Variants in WDR3 observed in about 807,000 individuals in gnomAD.
The protein encoded by WDR3 is WD repeat-containing protein 3.
In WDR3, 81 loss-of-function variants were observed where a neutral mutation model predicts 123.7. The observed-to-expected ratio is 0.65, with a 90% confidence interval of 0.55 to 0.79. WDR3 has a LOEUF of 0.79. WDR3 is among the 30% of genes least tolerant of loss of function. WDR3 has a pLI of 0.00. For synonymous variants in WDR3, 390 were observed against 388.8 expected, an observed-to-expected ratio of 1.00 and a Z score of -0.04; for missense variants, 1,027 against 1,123.2, an observed-to-expected ratio of 0.91 and a Z score of 1.22.
chr1:117,931,956 C>A (rs1437555469), intron 1 of WDR3, among the ~76,000 whole-genome samples: 1 of 151,896 alleles, frequency 6.6e-6, no homozygotes, highest in African/African-American at 2.4e-5. Context: ...TTAGAAAGAC[C>A]CTGTAGAGTT....
chr1:117,963,751 C>T lies in WDR3; in HGVS notation c.*4304C>T, dbSNP rs372408443. The T allele has an allele frequency of 3.2e-6, 5 of 1,563,200 alleles. No homozygotes were observed. In the African/African-American group the frequency reaches 5.5e-5, roughly 17 times the overall value. Reference sequence around the variant, plus strand: ...GGAAGAAACCTGGGGTCTAATACCTCAAATTTGAATGCTTGACAATCAAAT... The same window carrying T: ...GGAAGAAACCTGGGGTCTAATACCTTAAATTTGAATGCTTGACAATCAAAT... On this transcript the variant is annotated 3_prime_UTR_variant, in exon 27 of 27. Transcript: ENST00000349139.
chr1:117,951,437 A>T (rs1383269165), intron 16 of WDR3, among the ~76,000 whole-genome samples: 1 of 150,802 alleles, frequency 6.6e-6, no homozygotes, highest in Admixed American at 6.6e-5. Flanking sequence ...ATTCTGTGTG[A>T]AAGGAGTTGA....
intron 4 of WDR3, 145 bp downstream of exon 4, chr1:117,937,032 C>T: frequency 1.6e-6 from 1 of 615,312 alleles, no homozygotes; most frequent in Non-Finnish European, 2.9e-6. Flanking sequence ...CTTTCCATTT[C>T]TTCTAAGTAG....
chr1:117,950,972 T>A, intron 16 of WDR3, 82 bp downstream of exon 16: 3 of 1,127,464 alleles, frequency 2.7e-6, no homozygotes, highest in Non-Finnish European at 3.8e-6. Context: ...GATGTCTTCA[T>A]CTTAGATTAT....
intron 15 of WDR3, 114 bp downstream of exon 15, chr1:117,950,244 A>G: frequency 8.1e-7 from 1 of 1,238,116 alleles, no homozygotes; most frequent in Non-Finnish European, 1.1e-6. Flanking sequence ...TACATTTCTA[A>G]AAATGTGTGT....
intron 5 of WDR3, 113 bp downstream of exon 5, chr1:117,938,671 A>T: frequency 1.2e-6 from 1 of 865,384 alleles, no homozygotes; most frequent in Non-Finnish European, 1.7e-6. Flanking sequence ...AGTAATTATC[A>T]TATGCCATCT....
intron 11 of WDR3, among the ~76,000 whole-genome samples, chr1:117,944,760 G>T (rs1651309895): frequency 6.6e-6 from 1 of 152,148 alleles, no homozygotes; most frequent in South Asian, 2.1e-4. Flanking sequence ...GGAGTGCATT[G>T]ATGTGATCTC....
Position 117,964,002 on chromosome 1 carries a change from A to G in WDR3, c.*4555A>G, listed in dbSNP as rs2101409229. The stretch of plus-strand genomic sequence containing the variant: ...ATTATTTGCATATATAAACCTAAAT[A>G]ACATTTTAGAATCATAGAATTTCTT... On this transcript the variant is annotated 3_prime_UTR_variant, in exon 27 of 27. Coordinates refer to ENST00000349139, the MANE Select transcript of WDR3 (RefSeq NM_006784.3). The G allele has an allele frequency of 4.0e-6, 6 of 1,517,628 alleles. No individual in the cohort carries two copies. The South Asian group carries it at 7.5e-5, about 19-fold the overall frequency. The allele number at this position is 1,517,628 out of a possible 1,614,324, so 94.0% of individuals were successfully genotyped here.
intron 15 of WDR3, 152 bp downstream of exon 15, chr1:117,950,282 G>A (rs1651564411): frequency 2.0e-6 from 2 of 995,342 alleles, no homozygotes; most frequent in Non-Finnish European, 2.9e-6. Flanking sequence ...AACTATGCTA[G>A]GGAAGCTAGC....
chr1:117,953,785 T>C, intron 21 of WDR3: 1 of 602,090 alleles, frequency 1.7e-6, no homozygotes. Context: ...TGTCTAGATA[T>C]CATCCCACCT....
chr1:117,964,148 G>A lies in WDR3; in HGVS notation c.*4701G>A. ...TAGAATGTCTTCTGTTCTCCCTAGT[G>A]TACATTTCTCTCCTAACTGTGACTG... On this transcript the variant is annotated 3_prime_UTR_variant, in exon 27 of 27. Transcript: ENST00000349139. The A allele has an allele frequency of 2.3e-6, 1 of 432,960 alleles. No individual in the cohort carries two copies. The highest frequency in any genetic ancestry group is 4.2e-6 in the Non-Finnish European group (1 of 239,426). The allele number at this position is 432,960 out of a possible 1,614,324, so 26.8% of individuals were successfully genotyped here. A position where few individuals can be genotyped will look rare whatever the true frequency, so the allele number is the denominator to read the frequency against.
chr1:117,958,285 T>A (rs574582674), intron 25 of WDR3, among the ~76,000 whole-genome samples: 1 of 152,364 alleles, frequency 6.6e-6, no homozygotes, highest in African/African-American at 2.4e-5. Flanking sequence ...TCTGTTGCCA[T>A]ATTCATAATT....
At chr1:117,947,999 A>T (rs973554830) in intron 12 of WDR3, among the ~76,000 whole-genome samples, 3 of 152,208 alleles carry the variant, frequency 2.0e-5, no homozygotes, top group African/African-American at 7.2e-5. Context: ...GTGGTTGCTT[A>T]AGCCAATAAC....
chr1:117,958,327 T>G (rs1652519848), intron 25 of WDR3, among the ~76,000 whole-genome samples: 1 of 152,214 alleles, frequency 6.6e-6, no homozygotes, highest in African/African-American at 2.4e-5. Flanking sequence ...AAGTTCATAT[T>G]TAACCATGTT....
In WDR3 at chr1:117,953,557, A is replaced by C. The variant is rs1651746347; in HGVS notation, c.2268+16A>C. ...AGTGAAAGCAGTAAGTTGATATAGA[A>C]TGTGGTATCTCGTTTTTTAATAAGA... On this transcript the variant is annotated intron_variant, in intron 21 of 26. Coordinates refer to ENST00000349139, the MANE Select transcript of WDR3 (RefSeq NM_006784.3). 1 of 1,607,962 alleles carries C rather than the reference A, an allele frequency of 6.2e-7. No individual in the cohort carries two copies.
Position 117,958,910 on chromosome 1 carries a change from G to A in WDR3, c.2583G>A (p.Arg861=). The A allele has an allele frequency of 1.2e-6, 2 of 1,612,618 alleles. No homozygotes were observed. The change falls in exon 26 of 27, where the codon AGG becomes AGA. Residue 861 remains arginine (R), a splice_region_variant and synonymous_variant. Transcript: ENST00000349139. ...TGGCTGTGTTTTGTTTTTCTATCAG[G>A]ATTCACTTTGGACAGATCACTAGCA... ...LICRCLFFLL[R]IHFGQITSNQ...
chr1:117,955,244 G>C lies in WDR3; in HGVS notation c.2410-71G>C. Reference sequence around the variant, plus strand: ...AAGGAGGGGTTCCTGTTTTATAGGAGATAGAAATTAGAGAACTTTAGTAGA... The same window carrying C: ...AAGGAGGGGTTCCTGTTTTATAGGACATAGAAATTAGAGAACTTTAGTAGA... On this transcript the variant is annotated intron_variant, in intron 23 of 26. Transcript: ENST00000349139. 8.2e-6 allele frequency: 11 copies of C among 1,333,506 alleles called. No individual in the cohort carries two copies. The South Asian group carries it at 1.4e-4, about 17-fold the overall frequency. The allele number at this position is 1,333,506 out of a possible 1,614,324, so 82.6% of individuals were successfully genotyped here.
intron 24 of WDR3, among the ~76,000 whole-genome samples, chr1:117,956,112 T>C (rs1054732303): frequency 5.3e-5 from 8 of 152,314 alleles, no homozygotes; most frequent in African/African-American, 1.9e-4. Context: ...GCATATTTGT[T>C]GACCATTTGT....
Position 117,952,959 on chromosome 1 carries a change from A to C in WDR3, c.2165A>C (p.Glu722Ala). Reference sequence around the variant, plus strand: ...ATCTCATGGCAGGAAAGAGAAGCAGAATATGAGGAGAGTGTGGCCAAAGAA... The same window carrying C: ...ATCTCATGGCAGGAAAGAGAAGCAGCATATGAGGAGAGTGTGGCCAAAGAA... ...EEEREMEREA[E>A]YEESVAKEDQ... The change falls in exon 20 of 27, where the codon GAA (glutamate) becomes GCA (alanine). Residue 722 changes from glutamate (E) to alanine (A), a missense_variant. Transcript: ENST00000349139. 1 of 1,613,188 alleles carries C rather than the reference A, an allele frequency of 6.2e-7. No individual in the cohort carries two copies.
Sources: allele counts gnomAD v4.1 joint callset (sites outside exome capture counted in the v4.1 genomes callset), GRCh38; gene constraint gnomAD v4.1.1; transcripts MANE v1.5; gene names NCBI Gene and HGNC (gene_info 2026-07-23, HGNC 2026-07-21).